Variants in CDK13 observed in about 807,000 individuals in gnomAD.
CDK13 encodes cyclin-dependent kinase 13.
Under a neutral mutation model 137.6 loss-of-function variants are expected in CDK13, and 40 were observed. The observed-to-expected ratio is 0.29, with a 90% CI of 0.23 to 0.38. The LOEUF is 0.38. Ranked by LOEUF, CDK13 falls within the 10% of genes least tolerant of loss-of-function variation. The probability of loss-of-function intolerance (pLI) is 1.00; values close to 1 mark genes in which losing one functional copy is unlikely to be tolerated. For synonymous variants in CDK13, 869 were observed against 760.1 expected (o/e 1.14, Z -2.36); for missense variants, 1,704 against 1,951.8 (o/e 0.87, Z 2.39).
intron 9 of CDK13, chr7:40,067,590 C>G (rs979411316): frequency 2.0e-5 from 3 of 152,098 alleles, no homozygotes; most frequent in African/African-American, 7.2e-5. Flanking sequence ...TACCTGGAAT[C>G]TTTTCTTTTA....
chr7:40,094,907 G>T lies in CDK13; in HGVS notation c.4466G>T (p.Gly1489Val). The T allele has an allele frequency of 6.6e-7, 1 of 1,505,776 alleles. No individual in the cohort carries two copies. Among genetic ancestry groups the T allele is most frequent in the Non-Finnish European group, 8.9e-7 (1 of 1,128,300 alleles). 93.3% of individuals were successfully genotyped at this position (1,505,776 alleles called of 1,614,324 possible). ...QTWTSPAQGP[G>V]YSQGYRGHIS... ...TGGACTTCTCCTGCCCAAGGACCTG[G>T]ATATTCACAAGGATACAGGGGACAT... is the stretch of plus-strand genomic sequence containing the variant. The change falls in exon 14 of 14, where the codon GGA (glycine) becomes GTA (valine). Residue 1489 changes from glycine to valine, a missense_variant. Physicochemically the swap from Gly to Val is moderately radical, Grantham distance 109. Around this residue, in one of 5 missense-constraint regions of CDK13, gnomAD observed 475 missense variants for 579.3 expected, o/e 0.82. Transcript: ENST00000181839.
chr7:39,967,782 T>C (rs1337314636), intron 1 of CDK13, among the ~76,000 whole-genome samples: 1 of 152,238 alleles, frequency 6.6e-6, no homozygotes, highest in Non-Finnish European at 1.5e-5. Flanking sequence ...CTAGCCATTC[T>C]AACAGGTGGG....
At chr7:39,951,880 G>C in intron 1 of CDK13, 28 bp downstream of exon 1, 1 of 1,336,372 alleles carries the variant, frequency 7.5e-7, no homozygotes, top group Non-Finnish European at 9.6e-7. Context: ...GCCTGTGTGT[G>C]CCTTGGCTGC....
intron 9 of CDK13, chr7:40,073,484 G>A (rs903999843): frequency 6.6e-6 from 1 of 152,134 alleles, no homozygotes; most frequent in Admixed American, 6.6e-5. Flanking sequence ...CAGCCTGGGT[G>A]ACAGTGAGAC....
intron 2 of CDK13, among the ~76,000 whole-genome samples, chr7:39,993,141 G>A (rs936997945): frequency 6.6e-5 from 10 of 152,182 alleles, no homozygotes; most frequent in Non-Finnish European, 1.0e-4. Context: ...TTCAGTTACT[G>A]TAGTAGGGAC....
At chr7:40,026,668 C>T (rs1441941258) in intron 5 of CDK13, among the ~76,000 whole-genome samples, 1 of 152,094 alleles carries the variant, frequency 6.6e-6, no homozygotes, top group Non-Finnish European at 1.5e-5. Context: ...TTGAAATAGC[C>T]AAAACATGCT....
intron 5 of CDK13, among the ~76,000 whole-genome samples, chr7:40,042,477 C>CTTTTT (rs5883713): frequency 3.7e-4 from 28 of 76,138 alleles, no homozygotes; most frequent in East Asian, 1.4e-3. Flanking sequence ...TCTTTTCTTT[C>CTTTTT]TTTTTTTTTT....
chr7:40,017,172 G>C (rs967537711), intron 5 of CDK13, among the ~76,000 whole-genome samples: 32 of 151,994 alleles, frequency 2.1e-4, no homozygotes, highest in Non-Finnish European at 1.2e-4. Flanking sequence ...CTATAATTTG[G>C]ATATATTTTG....
intron 5 of CDK13, 26 bp downstream of exon 5, chr7:40,002,057 A>G: frequency 6.6e-7 from 1 of 1,521,736 alleles, no homozygotes; most frequent in Non-Finnish European, 8.8e-7. Flanking sequence ...TAAATAACGA[A>G]TTTTTTGTAT....
At chr7:40,092,380 TAG>T (rs2150546928) in intron 12 of CDK13, 1 of 160,820 alleles carries the variant, frequency 6.2e-6, no homozygotes, top group Non-Finnish European at 1.4e-5. Flanking sequence ...AGGCTAATAA[TAG>T]AGTCTGCCTT....
rs1330977692 is a variant in CDK13, at chr7:40,047,809, T to C, written c.2544-12T>C. 2.5e-6 allele frequency: 4 copies of C among 1,595,566 alleles called. No homozygotes were observed. Among genetic ancestry groups the C allele is most frequent in the Non-Finnish European group, 3.4e-6 (4 of 1,163,816 alleles). On this transcript the variant is annotated splice_polypyrimidine_tract_variant and intron_variant, in intron 6 of 13. Transcript: ENST00000181839. Reference sequence around the variant, plus strand: ...TTAATACCTTTTGTTCATTTTGTCTTATTTCCACCAGAGGGCAGATAAAAC... The same window carrying C: ...TTAATACCTTTTGTTCATTTTGTCTCATTTCCACCAGAGGGCAGATAAAAC...
At chr7:39,987,357 T>C (rs1784361353) in intron 1 of CDK13, among the ~76,000 whole-genome samples, 1 of 152,206 alleles carries the variant, frequency 6.6e-6, no homozygotes, top group Non-Finnish European at 1.5e-5. Flanking sequence ...GTCACATTTT[T>C]CGTCCTAATT....
intron 2 of CDK13, 112 bp downstream of exon 2, chr7:39,988,370 T>G (rs1194691064): frequency 4.3e-6 from 3 of 693,590 alleles, no homozygotes; most frequent in Non-Finnish European, 7.0e-6. Context: ...TGAAAAAGAC[T>G]ACAAGTGAAT....
chr7:39,970,209 TG>T (rs1562704197), intron 1 of CDK13, among the ~76,000 whole-genome samples: 1 of 151,834 alleles, frequency 6.6e-6, no homozygotes, highest in Non-Finnish European at 1.5e-5. Flanking sequence ...TTCACCATGT[TG>T]GCCAGGCTGG....
At chr7:40,036,139 G>A (rs1007266142) in intron 5 of CDK13, among the ~76,000 whole-genome samples, 1 of 150,194 alleles carries the variant, frequency 6.7e-6, no homozygotes, top group Admixed American at 6.7e-5. Flanking sequence ...CTGGGCAACA[G>A]AGTGAGACCC....
rs555354825 is a variant in CDK13, at chr7:40,079,211, G to A, written c.3029+360G>A. Among the ~76,000 whole-genome samples the A allele has an allele frequency of 9.2e-5, 14 of 152,296 alleles. No individual in the cohort carries two copies. The South Asian group carries it at 1.9e-3, about 20-fold the overall frequency. On this transcript the variant is annotated intron_variant, in intron 11 of 13. Transcript: ENST00000181839. ...CGAGGTGGGCGGATCATGAGGTCAG[G>A]AGTTTGAGACCAGTCTGGCCAACAT...
chr7:40,092,790 AC>A lies in CDK13; in HGVS notation c.3242del (p.Thr1081LysfsTer7). The A allele has an allele frequency of 1.2e-6, 2 of 1,610,112 alleles. No individual in the cohort carries two copies. The highest frequency in any genetic ancestry group is 2.2e-5 in the South Asian group (2 of 90,672). ...QGSSNVAPVK[T>X]GPGQHLNHSE... ...TAATATAATTTTGTCTTTAGTAAAA[AC>A]AGGCCCTGGACAGCACTTAAACCAC... On this transcript the variant is annotated frameshift_variant, in exon 13 of 14. Coordinates refer to ENST00000181839, the MANE Select transcript of CDK13 (RefSeq NM_003718.5). LOFTEE classifies it high-confidence loss of function.
At chr7:39,961,789 C>A (rs968244475) in intron 1 of CDK13, among the ~76,000 whole-genome samples, 1 of 152,124 alleles carries the variant, frequency 6.6e-6, no homozygotes, top group Non-Finnish European at 1.5e-5. Flanking sequence ...CTCCTCCCTC[C>A]CCCTACCCCA....
chr7:39,994,808 A>G (rs544638803), intron 2 of CDK13, among the ~76,000 whole-genome samples: 18 of 152,234 alleles, frequency 1.2e-4, no homozygotes, highest in African/African-American at 4.1e-4. Flanking sequence ...ATAGGTTGAC[A>G]GGGCAAATGC....
Sources: gnomAD v4.1 joint callset for allele counts (sites outside exome capture counted in the v4.1 genomes callset) on GRCh38, gnomAD v4.1.1 for gene constraint, gnomAD v4.1.1 regional missense constraint, MANE v1.5 for transcripts, NCBI Gene and HGNC (gene_info 2026-07-23, HGNC 2026-07-21) for gene names.